Variants in SLC7A2 observed in about 807,000 individuals in gnomAD.
SLC7A2 encodes the protein solute carrier family 7 member 2.
SLC7A2 carries 48 observed loss-of-function variants against 58.9 expected under a neutral mutation model. That is an observed-to-expected ratio of 0.82 (90% CI 0.65 to 1.04). The LOEUF (loss-of-function observed/expected upper bound fraction) is 1.04. SLC7A2 is among the 50% of genes least tolerant of loss of function. The probability of loss-of-function intolerance (pLI) is 0.00; values close to 1 mark genes in which losing one functional copy is unlikely to be tolerated. For missense variants in SLC7A2, 1,029 were observed against 818.8 expected, an observed-to-expected ratio of 1.26 and a Z score of -3.13; for synonymous variants, 363 against 314.5, an observed-to-expected ratio of 1.15 and a Z score of -1.63.
chr8:17,552,967 T>C (rs2588246), intron 7 of SLC7A2, among the ~76,000 whole-genome samples: 145,186 of 152,270 alleles, frequency 0.95, 69,283 homozygotes, highest in East Asian at 1. Flanking sequence ...CTTTATTTTT[T>C]CCCTTCAAAC....
intron 1 of SLC7A2, among the ~76,000 whole-genome samples, chr8:17,498,099 A>T (rs1019809420): frequency 1.3e-5 from 2 of 152,220 alleles, no homozygotes; most frequent in East Asian, 3.8e-4. Flanking sequence ...TTCAAGAGAA[A>T]AAGTACTCAG....
rs140232273 is a variant in SLC7A2, at chr8:17,544,605, A to G, written c.531A>G (p.Ala177=). 52 of 1,613,244 alleles carry G rather than the reference A, an allele frequency of 3.2e-5. No individual in the cohort carries two copies. Among genetic ancestry groups the G allele is most frequent in the Non-Finnish European group, 4.2e-5 (50 of 1,179,542 alleles). ...CTGTGTGCCTTATATTACTTCTAGC[A>G]GGTAAGAAAACCAGTTATGAGTCTC... is the stretch of plus-strand genomic sequence containing the variant. ...FFAVCLILLL[A]GLLSFGVKES... is the part of the protein sequence containing the mutation. Residue 177 remains alanine, a splice_region_variant and synonymous_variant, in exon 4 of 13, where the codon GCA becomes GCG. Transcript: ENST00000494857.
At chr8:17,506,380 A>C (rs1800364096) in intron 2 of SLC7A2, among the ~76,000 whole-genome samples, 1 of 152,346 alleles carries the variant, frequency 6.6e-6, no homozygotes, top group East Asian at 1.9e-4. Flanking sequence ...TGGTTATATC[A>C]CTATAAAAAT....
intron 2 of SLC7A2, among the ~76,000 whole-genome samples, chr8:17,528,096 T>C (rs749548357): frequency 2.0e-5 from 3 of 152,032 alleles, no homozygotes; most frequent in Non-Finnish European, 4.4e-5. Context: ...ACTCAGATGC[T>C]TAGTGTTCTG....
At chr8:17,523,608 T>G (rs2150694671) in intron 2 of SLC7A2, among the ~76,000 whole-genome samples, 1 of 152,252 alleles carries the variant, frequency 6.6e-6, no homozygotes, top group East Asian at 1.9e-4. Context: ...ATACAAAAAT[T>G]AGCTCAAGAT....
chr8:17,537,604 C>T (rs896630479), intron 2 of SLC7A2, among the ~76,000 whole-genome samples: 2 of 151,992 alleles, frequency 1.3e-5, no homozygotes, highest in African/African-American at 4.8e-5. Flanking sequence ...GAGGCAGTGG[C>T]GGGATCCCAG....
chr8:17,528,683 T>C (rs543554266), intron 2 of SLC7A2, among the ~76,000 whole-genome samples: 2 of 152,296 alleles, frequency 1.3e-5, no homozygotes, highest in African/African-American at 4.8e-5. Context: ...GGATTACAGG[T>C]CTGAGCCACT....
intron 7 of SLC7A2, among the ~76,000 whole-genome samples, chr8:17,553,054 G>C (rs1802526022): frequency 6.6e-6 from 1 of 152,038 alleles, no homozygotes; most frequent in African/African-American, 2.4e-5. Context: ...TGCTAGTGTT[G>C]AGGTTTATTT....
intron 1 of SLC7A2, among the ~76,000 whole-genome samples, chr8:17,501,241 T>G (rs1028906764): frequency 9.9e-5 from 15 of 152,268 alleles, no homozygotes; most frequent in African/African-American, 2.9e-4. Context: ...CTCGAAATCC[T>G]GGCCTCAAGT....
At chr8:17,549,199 A>T (rs1449560689) in intron 5 of SLC7A2, among the ~76,000 whole-genome samples, 2 of 152,184 alleles carry the variant, frequency 1.3e-5, no homozygotes, top group African/African-American at 4.8e-5. Flanking sequence ...GCCACAACAC[A>T]TGGGAACTGT....
At chr8:17,531,909 A>G (rs1801465119) in intron 2 of SLC7A2, among the ~76,000 whole-genome samples, 1 of 152,088 alleles carries the variant, frequency 6.6e-6, no homozygotes, top group Non-Finnish European at 1.5e-5. Flanking sequence ...AATGAGTCTT[A>G]AAGATTATGG....
chr8:17,550,142 T>G (rs904589638), intron 5 of SLC7A2, among the ~76,000 whole-genome samples, 159 bp from the exon 6 acceptor site: 2 of 152,228 alleles, frequency 1.3e-5, no homozygotes, highest in Non-Finnish European at 2.9e-5. Flanking sequence ...CACCACATTC[T>G]GTAGCACAGG....
At chr8:17,554,296 T>A (rs2150762286) in intron 7 of SLC7A2, among the ~76,000 whole-genome samples, 1 of 152,288 alleles carries the variant, frequency 6.6e-6, no homozygotes, top group African/African-American at 2.4e-5. Context: ...CACAAATTAC[T>A]TGCAATATTG....
In SLC7A2 at chr8:17,551,891, T is replaced by C. The variant is rs1802469672; in HGVS notation, c.960T>C (p.Asp320=). ...TTATGATGCCGTACTACCTCCTCGATGAAAAAAGCCCCCTTCCTGTAGCGT... is the reference window on the plus strand; with the variant it reads ...TTATGATGCCGTACTACCTCCTCGACGAAAAAAGCCCCCTTCCTGTAGCGT... ...LTLMMPYYLL[D]EKSPLPVAFE... is the part of the protein sequence containing the mutation. Residue 320 remains aspartate (D), a synonymous_variant, in exon 7 of 13, where the codon GAT becomes GAC. Transcript: ENST00000494857. The C allele has an allele frequency of 6.2e-7, 1 of 1,613,966 alleles. No individual in the cohort carries two copies. Among genetic ancestry groups the C allele is most frequent in the Non-Finnish European group, 8.5e-7 (1 of 1,180,012 alleles).
At chr8:17,522,351 T>C (rs913559251) in intron 2 of SLC7A2, among the ~76,000 whole-genome samples, 4 of 152,050 alleles carry the variant, frequency 2.6e-5, no homozygotes, top group Admixed American at 6.5e-5. Context: ...CCACAACACA[T>C]AGGAATTATG....
rs763705733 is a variant in SLC7A2, at chr8:17,544,555, C to T, written c.481C>T (p.Leu161Phe). 2.5e-6 allele frequency: 4 copies of T among 1,613,996 alleles called. No homozygotes were observed. The highest frequency in any genetic ancestry group is 1.7e-6 in the Non-Finnish European group (2 of 1,179,928). Residue 161 changes from leucine (L) to phenylalanine (F), a missense_variant, in exon 4 of 13, where the codon CTT becomes TTT. Coordinates refer to ENST00000494857, the MANE Select transcript of SLC7A2 (RefSeq NM_001370338.1). ...ATACTTCAGAATGAATTACACTGGT[C>T]TTGCAGAATATCCCGATTTTTTTGC... ...RTYFRMNYTG[L>F]AEYPDFFAVC...
At chr8:17,503,498 C>T (rs1212238754) in intron 2 of SLC7A2, among the ~76,000 whole-genome samples, 1 of 152,270 alleles carries the variant, frequency 6.6e-6, no homozygotes. Flanking sequence ...TATTCATACG[C>T]GGCGCTCATA....
chr8:17,564,892 TAA>T (rs754729926), intron 12 of SLC7A2, 56 bp from the exon 13 acceptor site: 2 of 1,391,286 alleles, frequency 1.4e-6, no homozygotes, highest in Non-Finnish European at 1.9e-6. Context: ...CTCAATAACT[TAA>T]AAGTCATTTT....
intron 2 of SLC7A2, among the ~76,000 whole-genome samples, chr8:17,537,132 C>T (rs1801701247): frequency 6.6e-6 from 1 of 152,210 alleles, no homozygotes; most frequent in South Asian, 2.1e-4. Context: ...TCTTGGCTCA[C>T]CGCAACCTCT....
Sources: allele counts gnomAD v4.1 joint callset (sites outside exome capture counted in the v4.1 genomes callset), GRCh38; gene constraint gnomAD v4.1.1; transcripts MANE v1.5; gene names NCBI Gene and HGNC (gene_info 2026-07-23, HGNC 2026-07-21).